VSX2: variants seen among roughly 807,000 people sequenced by gnomAD.
The protein encoded by VSX2 is ceh-10 homeo domain containing homolog.
VSX2 carries 28 observed loss-of-function variants against 32.1 expected under a neutral mutation model. That is an observed-to-expected ratio of 0.87 (90% CI 0.65 to 1.20). The LOEUF (loss-of-function observed/expected upper bound fraction) is 1.20, where lower values mean the gene tolerates loss of function less well. Among genes scored for constraint, VSX2 ranks in the 50% most tolerant of loss-of-function variants. The probability of loss-of-function intolerance (pLI) is 0.00; values close to 1 mark genes in which losing one functional copy is unlikely to be tolerated. For synonymous variants in VSX2, 243 were observed against 214.1 expected (o/e 1.14, Z -1.18); for missense variants, 506 against 488.7 (o/e 1.04, Z -0.33).
chr14:74,261,077 T>A lies in VSX2; in HGVS notation c.*158T>A. 1.2e-6 allele frequency: 1 copy of A among 828,748 alleles called. No individual in the cohort carries two copies. Among genetic ancestry groups the A allele is most frequent in the Non-Finnish European group, 1.9e-6 (1 of 529,002 alleles). The allele number at this position is 828,748 out of a possible 1,614,324, so 51.3% of individuals were successfully genotyped here. On this transcript the variant is annotated 3_prime_UTR_variant, in exon 5 of 5. Transcript: ENST00000261980. ...CACCCCTGGTGGCTGCAGGCACCGC[T>A]GGGTTCTGACTCTGGACCATGCTGA...
At chr14:74,252,580 G>A (rs1208288734) in intron 3 of VSX2, among the ~76,000 whole-genome samples, 2 of 151,780 alleles carry the variant, frequency 1.3e-5, no homozygotes, top group Non-Finnish European at 2.9e-5. Flanking sequence ...TAGTAGAGAC[G>A]GGGTTCCACC....
intron 2 of VSX2, among the ~76,000 whole-genome samples, 182 bp from the exon 3 acceptor site, chr14:74,244,967 TGTGTGTGTGTGTGTGA>T (rs1181841545): frequency 3.6e-5 from 3 of 83,546 alleles, no homozygotes; most frequent in African/African-American, 1.4e-4. Context: ...TGTGTGTGTG[TGTGTGTGTGTGTGTGA>T]GAGAGAGAGA....
At position 74,259,696 on chromosome 14, in the gene VSX2, T is replaced by C; in HGVS notation, c.674T>C (p.Met225Thr). Residue 225 changes from methionine to threonine, a missense_variant, in exon 4 of 5, where the codon ATG (methionine) becomes ACG (threonine). Met to Thr is a moderately conservative substitution (Grantham distance 81, BLOSUM62 -1). Coordinates refer to ENST00000261980, the MANE Select transcript of VSX2 (RefSeq NM_182894.3). ...VMAEYGLYGA[M>T]VRHSIPLPES... is the part of the protein sequence containing the mutation. ...GCGGAGTATGGGCTCTACGGGGCCA[T>C]GGTGCGGCACTCCATCCCCCTGCCC... The C allele has an allele frequency of 6.2e-7, 1 of 1,614,066 alleles. No individual in the cohort carries two copies. The highest frequency in any genetic ancestry group is 8.5e-7 in the Non-Finnish European group (1 of 1,179,968).
At chr14:74,251,917 C>T (rs1205630847) in intron 3 of VSX2, among the ~76,000 whole-genome samples, 3 of 152,186 alleles carry the variant, frequency 2.0e-5, no homozygotes, top group Non-Finnish European at 2.9e-5. Context: ...GATGGACGCT[C>T]ACCTGATGGC....
In VSX2 at chr14:74,243,878, C is replaced by T. The variant is rs141390604; in HGVS notation, c.456-1287C>T. On this transcript the variant is annotated intron_variant, in intron 2 of 4. Transcript: ENST00000261980. The stretch of plus-strand genomic sequence containing the variant: ...GGGTTGTGTTAGACGAGGGTGAGGG[C>T]CCAGCAATAAGGGATTCTACACCCC... Among the ~76,000 whole-genome samples the T allele has an allele frequency of 2.0e-3, 299 of 152,166 alleles. 3 individuals are homozygous for T. The highest frequency in any genetic ancestry group is 6.9e-3 in the African/African-American group (286 of 41,498).
chr14:74,244,925 TGTGTGAAAGAGA>T (rs2079177256), intron 2 of VSX2, among the ~76,000 whole-genome samples: 1 of 41,954 alleles, frequency 2.4e-5, no homozygotes, highest in East Asian at 5.2e-4. Flanking sequence ...TGTGTGTGTG[TGTGTGAAAGAGA>T]GAGAGAAAGT....
At chr14:74,260,470 C>A in intron 4 of VSX2, 124 bp from the exon 5 acceptor site, 2 of 989,802 alleles carry the variant, frequency 2.0e-6, no homozygotes, top group South Asian at 1.4e-5. Flanking sequence ...TGTGTGACTG[C>A]GGTGTGGGGA....
intron 3 of VSX2, among the ~76,000 whole-genome samples, chr14:74,257,083 G>A (rs1566887623): frequency 1.3e-5 from 2 of 152,098 alleles, no homozygotes; most frequent in African/African-American, 2.4e-5. Flanking sequence ...CAGGATTGAG[G>A]CCCCAGACAA....
At chr14:74,252,541 C>T (rs1227931704) in intron 3 of VSX2, among the ~76,000 whole-genome samples, 2 of 151,154 alleles carry the variant, frequency 1.3e-5, no homozygotes, top group Non-Finnish European at 2.9e-5. Flanking sequence ...CAGGCTTGCA[C>T]CACGACGCTC....
chr14:74,255,961 G>A (rs1314691843), intron 3 of VSX2, among the ~76,000 whole-genome samples: 1 of 152,162 alleles, frequency 6.6e-6, no homozygotes, highest in African/African-American at 2.4e-5. Context: ...GAAGCTGATG[G>A]GTTTGATCAT....
At chr14:74,241,670 G>A (rs1181841434) in intron 2 of VSX2, among the ~76,000 whole-genome samples, 1 of 152,184 alleles carries the variant, frequency 6.6e-6, no homozygotes, top group Non-Finnish European at 1.5e-5. Flanking sequence ...GGCCTCAACC[G>A]CCGCCCCCAT....
At position 74,261,707 on chromosome 14, in the gene VSX2, C is replaced by G. The variant is rs1485725314; in HGVS notation, c.*788C>G. Reference sequence around the variant, plus strand: ...ACGCTGCGTGCCATGAGTCCATGTCCTATGCCTCACAAATGCTGTGGTTCA... The same window carrying G: ...ACGCTGCGTGCCATGAGTCCATGTCGTATGCCTCACAAATGCTGTGGTTCA... On this transcript the variant is annotated 3_prime_UTR_variant, in exon 5 of 5. Coordinates refer to ENST00000261980, the MANE Select transcript of VSX2 (RefSeq NM_182894.3). 2.0e-5 allele frequency: 3 copies of G among 152,490 alleles called. No homozygotes were observed. Among genetic ancestry groups the G allele is most frequent in the African/African-American group, 7.2e-5 (3 of 41,478 alleles). The allele number at this position is 152,490 out of a possible 1,614,324, so 9.4% of individuals were successfully genotyped here.
chr14:74,245,463 G>A (rs1161275116), intron 3 of VSX2, among the ~76,000 whole-genome samples, 175 bp downstream of exon 3: 4 of 152,080 alleles, frequency 2.6e-5, no homozygotes, highest in African/African-American at 9.7e-5. Context: ...GGTGGGTGCT[G>A]TCGGGGGATG....
intron 3 of VSX2, among the ~76,000 whole-genome samples, chr14:74,253,989 T>C (rs970797065): frequency 6.6e-6 from 1 of 152,246 alleles, no homozygotes; most frequent in Non-Finnish European, 1.5e-5. Context: ...CAAAGGCACC[T>C]AGAGGCAGAG....
chr14:74,240,435 C>A (rs552613966), intron 1 of VSX2, among the ~76,000 whole-genome samples: 1 of 152,262 alleles, frequency 6.6e-6, no homozygotes, highest in South Asian at 2.1e-4. Context: ...CGAGCTCAGA[C>A]AACCCGGCCA....
intron 1 of VSX2, 95 bp from the exon 2 acceptor site, chr14:74,241,087 C>T (rs779130234): frequency 3.7e-6 from 5 of 1,341,610 alleles, no homozygotes; most frequent in Non-Finnish European, 5.3e-6. Flanking sequence ...GTCCCCGCCG[C>T]TCGCGGAGGC....
chr14:74,251,026 C>T (rs1395403284), intron 3 of VSX2, among the ~76,000 whole-genome samples: 1 of 151,898 alleles, frequency 6.6e-6, no homozygotes, highest in Non-Finnish European at 1.5e-5. Flanking sequence ...TAAAATCAAA[C>T]ATCTTCGGCA....
chr14:74,255,748 C>T (rs551861502), intron 3 of VSX2, among the ~76,000 whole-genome samples: 1 of 151,682 alleles, frequency 6.6e-6, no homozygotes, highest in African/African-American at 2.4e-5. Context: ...GGTATCCACA[C>T]TGGGTGGGTG....
rs763144610 is a variant in VSX2 at position 74,245,177 on chromosome 14, C to T, written c.468C>T (p.Thr156=). The change falls in exon 3 of 5, where the codon ACC becomes ACT. Residue 156 remains threonine (T), a synonymous_variant. Transcript: ENST00000261980. The part of the protein sequence containing the change: ...RKKRRHRTIF[T]SYQLEELEKA... ...TTGCTCCCCTCAGGACAATCTTTACCTCCTACCAGCTAGAGGAGCTGGAGA... is the reference window on the plus strand; with the variant it reads ...TTGCTCCCCTCAGGACAATCTTTACTTCCTACCAGCTAGAGGAGCTGGAGA... 6.2e-7 allele frequency: 1 copy of T among 1,613,546 alleles called. No individual in the cohort carries two copies. Among genetic ancestry groups the T allele is most frequent in the South Asian group, 1.1e-5 (1 of 91,022 alleles).
Sources: allele counts gnomAD v4.1 joint callset (sites outside exome capture counted in the v4.1 genomes callset), GRCh38; gene constraint gnomAD v4.1.1; transcripts MANE v1.5; gene names NCBI Gene and HGNC (gene_info 2026-07-23, HGNC 2026-07-21).